Variants in MPP7 observed in about 807,000 individuals in gnomAD.
MPP7 encodes the protein MAGUK p55 subfamily member 7.
A neutral mutation model predicts 76.5 loss-of-function variants in MPP7; 60 were observed. The observed-to-expected ratio is 0.78, with a 90% confidence interval of 0.64 to 0.97. MPP7 has a LOEUF of 0.97. Ranked by LOEUF, MPP7 falls within the 50% of genes least tolerant of loss-of-function variation. The pLI is 0.00. For synonymous variants in MPP7, 237 were observed against 244.5 expected (o/e 0.97, Z 0.29); for missense variants, 641 against 694.0 (o/e 0.92, Z 0.86).
chr10:28,276,326 T>A lies in MPP7; in HGVS notation c.-132+26535A>T, dbSNP rs1840496177. On this transcript the variant is annotated intron_variant, in intron 1 of 16. Coordinates refer to ENST00000683449, the MANE Select transcript of MPP7 (RefSeq NM_001318170.2). The stretch of plus-strand genomic sequence containing the variant: ...GATTACAGGCATGAGCCACCGTGCC[T>A]GGCCTTGTCACATGCTTTTTACAAC... 1.3e-5 allele frequency among the ~76,000 whole-genome samples: 2 copies of A among 152,116 alleles called. 1 individual carries two copies. The highest frequency in any genetic ancestry group is 4.1e-4 in the South Asian group (2 of 4,830).
chr10:28,087,169 C>T (rs10763640), intron 12 of MPP7, among the ~76,000 whole-genome samples: 1 of 151,848 alleles, frequency 6.6e-6, no homozygotes, highest in Non-Finnish European at 1.5e-5. Flanking sequence ...TTGTTAAAAA[C>T]AGCCTGACAT....
intron 12 of MPP7, among the ~76,000 whole-genome samples, chr10:28,077,009 CTAGAGTGTGAGAT>C (rs1356805903): frequency 6.7e-6 from 1 of 148,442 alleles, no homozygotes; most frequent in Non-Finnish European, 1.5e-5. Flanking sequence ...GGAGTGACTG[CTAGAGTGTGAGAT>C]ACTTTGCCAA....
At chr10:28,087,033 T>C (rs928287650) in intron 12 of MPP7, among the ~76,000 whole-genome samples, 3 of 152,172 alleles carry the variant, frequency 2.0e-5, no homozygotes, top group African/African-American at 7.2e-5. Flanking sequence ...GATCCCAGCA[T>C]TGGAAGTGGG....
In MPP7 at chr10:28,238,560, TCA is replaced by T. The variant is rs774696155; in HGVS notation, c.37+6_37+7del. 1 of 1,613,966 alleles carries T rather than the reference TCA, an allele frequency of 6.2e-7. No individual in the cohort carries two copies. The highest frequency in any genetic ancestry group is 1.1e-5 in the South Asian group (1 of 91,078). ...GGAATGAGAACTGCCCCTCTTGGGG[TCA>T]CATACCAGTGTCACTCCCAGATCCC... is the stretch of plus-strand genomic sequence containing the variant. On this transcript the variant is annotated splice_donor_region_variant and intron_variant, in intron 2 of 16. Transcript: ENST00000683449.
intron 6 of MPP7, among the ~76,000 whole-genome samples, chr10:28,125,510 A>T (rs1195602912): frequency 6.6e-6 from 1 of 152,160 alleles, no homozygotes; most frequent in African/African-American, 2.4e-5. Context: ...TAGACAAAAG[A>T]TTCTATATGT....
intron 16 of MPP7, 123 bp downstream of exon 16, chr10:28,056,357 C>A: frequency 1.0e-6 from 1 of 989,872 alleles, no homozygotes; most frequent in South Asian, 1.5e-5. Context: ...TGGGGTTTCA[C>A]CACCTTGGCC....
intron 3 of MPP7, among the ~76,000 whole-genome samples, chr10:28,176,197 T>C (rs993446218): frequency 3.3e-5 from 5 of 152,092 alleles, no homozygotes; most frequent in African/African-American, 4.8e-5. Context: ...GAGGGTGCAG[T>C]GAGCTGAGAT....
intron 1 of MPP7, among the ~76,000 whole-genome samples, chr10:28,254,233 T>C (rs548747896): frequency 6.6e-6 from 1 of 152,266 alleles, no homozygotes; most frequent in South Asian, 2.1e-4. Context: ...TCTGAAAATC[T>C]TGCTGAATAT....
At chr10:28,189,595 A>C (rs10826416) in intron 3 of MPP7, among the ~76,000 whole-genome samples, 31,310 of 132,134 alleles carry the variant, frequency 0.24, 4,887 homozygotes, top group African/African-American at 0.39. Context: ...AAAAAAAAAA[A>C]AAAACCTGTA....
At chr10:28,249,880 G>A in intron 1 of MPP7, among the ~76,000 whole-genome samples, 1 of 152,136 alleles carries the variant, frequency 6.6e-6, no homozygotes, top group East Asian at 1.9e-4. Context: ...ATGGGCCATT[G>A]TTTTAGCCAA....
At chr10:28,324,091 A>G (rs749580995) in intron 2 of MPP7, among the ~76,000 whole-genome samples, 3 of 152,180 alleles carry the variant, frequency 2.0e-5, no homozygotes, top group Non-Finnish European at 4.4e-5. Context: ...GCCAAAATTC[A>G]TAGGTTGAAA....
At chr10:28,279,485 T>C (rs928408356) in intron 1 of MPP7, among the ~76,000 whole-genome samples, 1 of 151,870 alleles carries the variant, frequency 6.6e-6, no homozygotes, top group Non-Finnish European at 1.5e-5. Context: ...TCCCATCACT[T>C]TGGGAGGCCG....
intron 1 of MPP7, among the ~76,000 whole-genome samples, chr10:28,262,822 G>A (rs576845624): frequency 1.2e-4 from 18 of 152,218 alleles, no homozygotes; most frequent in African/African-American, 3.4e-4. Context: ...TTGGGAGGCC[G>A]AGGTGGGCAG....
chr10:28,215,902 C>T (rs1838293602), intron 2 of MPP7, among the ~76,000 whole-genome samples: 1 of 151,978 alleles, frequency 6.6e-6, no homozygotes, highest in Non-Finnish European at 1.5e-5. Flanking sequence ...TAAGTATGTC[C>T]AAGCATTAAG....
intron 3 of MPP7, among the ~76,000 whole-genome samples, chr10:28,190,390 C>T (rs1837376007): frequency 6.6e-6 from 1 of 152,148 alleles, no homozygotes; most frequent in Non-Finnish European, 1.5e-5. Context: ...TCTTCTCAAG[C>T]TCACATAGAC....
chr10:28,118,501 C>T, intron 11 of MPP7: 1 of 985,298 alleles, frequency 1.0e-6, no homozygotes, highest in South Asian at 4.7e-5. Flanking sequence ...ATTTAAAAAT[C>T]CCTTTGAGAG....
chr10:28,193,275 C>T (rs1170865967), intron 3 of MPP7, among the ~76,000 whole-genome samples: 21 of 150,496 alleles, frequency 1.4e-4, no homozygotes, highest in Admixed American at 3.3e-4. Context: ...TGCAGTGGCA[C>T]GATCCCAGCT....
intron 2 of MPP7, among the ~76,000 whole-genome samples, chr10:28,322,146 C>T (rs1250630763): frequency 6.6e-6 from 1 of 152,052 alleles, no homozygotes; most frequent in Admixed American, 6.6e-5. Context: ...AGGAGCCCTG[C>T]ACTCCAGGAC....
At chr10:28,087,376 C>CT (rs1853065423) in intron 12 of MPP7, among the ~76,000 whole-genome samples, 1 of 152,116 alleles carries the variant, frequency 6.6e-6, no homozygotes, top group South Asian at 2.1e-4. Flanking sequence ...ACACAACAGA[C>CT]TAACACATGC....
Sources: gnomAD v4.1 joint callset for allele counts (sites outside exome capture counted in the v4.1 genomes callset) on GRCh38, gnomAD v4.1.1 for gene constraint, MANE v1.5 for transcripts, NCBI Gene and HGNC (gene_info 2026-07-23, HGNC 2026-07-21) for gene names.